SLC7A6: variants seen among roughly 807,000 people sequenced by gnomAD.
SLC7A6 encodes Y+L amino acid transporter 2.
SLC7A6 carries 29 observed loss-of-function variants against 46.6 expected under a neutral mutation model. That is an observed-to-expected ratio of 0.62 (90% confidence interval 0.46 to 0.85). The LOEUF is 0.85. Ranked by LOEUF, SLC7A6 falls within the 40% of genes least tolerant of loss-of-function variation. The pLI is 0.00. For synonymous variants in SLC7A6, 276 were observed against 257.3 expected, an observed-to-expected ratio of 1.07 and a Z score of -0.70; for missense variants, 527 against 647.6, an observed-to-expected ratio of 0.81 and a Z score of 2.02.
chr16:68,275,318 G>A (rs959074594), intron 3 of SLC7A6, 69 bp downstream of exon 3: 32 of 1,544,748 alleles, frequency 2.1e-5, no homozygotes, highest in African/African-American at 2.7e-5. Flanking sequence ...ACTTTAGGCC[G>A]GGCGCGGTGG....
chr16:68,296,883 A>G, intron 10 of SLC7A6, 73 bp downstream of exon 10: 1 of 1,498,852 alleles, frequency 6.7e-7, no homozygotes, highest in Non-Finnish European at 9.1e-7. Context: ...GGGGTGGCTA[A>G]CAGCTTCCCC....
intron 5 of SLC7A6, chr16:68,290,808 G>A: frequency 3.9e-6 from 2 of 513,728 alleles, no homozygotes; most frequent in Non-Finnish European, 7.0e-6. Flanking sequence ...GCCCAGCTGG[G>A]GCAAAGGAAT....
At chr16:68,290,996 A>T in intron 5 of SLC7A6, 2 of 580,804 alleles carry the variant, frequency 3.4e-6, no homozygotes, top group Non-Finnish European at 6.1e-6. Context: ...CTACTGTGGC[A>T]AAGATTAAAT....
At chr16:68,285,416 T>A (rs1428812224) in intron 3 of SLC7A6, among the ~76,000 whole-genome samples, 1 of 152,162 alleles carries the variant, frequency 6.6e-6, no homozygotes, top group East Asian at 1.9e-4. Flanking sequence ...GTTAGCTGAT[T>A]GAGGCTTAAC....
chr16:68,291,812 G>C, intron 7 of SLC7A6, 151 bp downstream of exon 7: 1 of 522,960 alleles, frequency 1.9e-6, no homozygotes, highest in Non-Finnish European at 3.3e-6. Flanking sequence ...TGGTATGTGG[G>C]CATGTACTTG....
At chr16:68,279,020 G>A (rs1253890238) in intron 3 of SLC7A6, among the ~76,000 whole-genome samples, 1 of 152,092 alleles carries the variant, frequency 6.6e-6, no homozygotes, top group East Asian at 1.9e-4. Flanking sequence ...GCGGCTGACT[G>A]CTTTATAAAA....
intron 2 of SLC7A6, 69 bp from the exon 3 acceptor site, chr16:68,274,622 G>C: frequency 7.3e-7 from 1 of 1,366,488 alleles, no homozygotes; most frequent in South Asian, 1.4e-5. Context: ...GAAGTGGGCA[G>C]GGAAATCTGG....
chr16:68,287,041 GTGCACGGCTCAC>G (rs2042950068), intron 3 of SLC7A6, among the ~76,000 whole-genome samples: 1 of 149,414 alleles, frequency 6.7e-6, no homozygotes, highest in Admixed American at 6.7e-5. Context: ...TCAGGCTGGA[GTGCACGGCTCAC>G]TGCTGCCTCA....
Position 68,282,711 on chromosome 16 carries a change from G to A in SLC7A6, c.524-5035G>A, listed in dbSNP as rs567968648. On this transcript the variant is annotated intron_variant, in intron 3 of 10. Transcript: ENST00000219343. ...TGGCTCATTGCAACCTCTGCCTCCC[G>A]GGTTCAAGTGATTCTCCTGCCTCGG... Among the ~76,000 whole-genome samples the A allele has an allele frequency of 5.9e-5, 9 of 151,912 alleles. No individual in the cohort carries two copies. The East Asian group carries it at 7.7e-4, about 13-fold the overall frequency.
At chr16:68,273,307 TG>T (rs2151215853) in intron 2 of SLC7A6, among the ~76,000 whole-genome samples, 1 of 152,268 alleles carries the variant, frequency 6.6e-6, no homozygotes, top group South Asian at 2.1e-4. Context: ...TCTGGAAAGA[TG>T]ATGTGCTTGC....
Position 68,296,466 on chromosome 16 carries a change from C to T in SLC7A6, c.1222C>T (p.Gln408Ter). 6.2e-7 allele frequency: 1 copy of T among 1,614,178 alleles called. No individual in the cohort carries two copies. Among genetic ancestry groups the T allele is most frequent in the Non-Finnish European group, 8.5e-7 (1 of 1,180,046 alleles). ...CTTCGTGGGCCTGTCTGTTGTTGGA[C>T]AGCTCTACCTCCGCTGGAAGGAGCC... is the stretch of plus-strand genomic sequence containing the variant. Reference protein sequence around the residue: ...WFFVGLSVVGQLYLRWKEPKR... With the variant: ...WFFVGLSVVG Residue 408 changes from glutamine to a stop codon, truncating the protein, a stop_gained, in exon 9 of 11, where the codon CAG (glutamine) becomes TAG (stop). Coordinates refer to ENST00000219343, the MANE Select transcript of SLC7A6 (RefSeq NM_003983.6). LOFTEE classifies it high-confidence loss of function.
chr16:68,271,166 A>T (rs1354272562), intron 2 of SLC7A6, among the ~76,000 whole-genome samples: 1 of 149,800 alleles, frequency 6.7e-6, no homozygotes, highest in African/African-American at 2.5e-5. Context: ...TTCTTATTTC[A>T]TTTTTTTATA....
chr16:68,279,532 A>C (rs1341187104), intron 3 of SLC7A6, among the ~76,000 whole-genome samples: 1 of 151,484 alleles, frequency 6.6e-6, no homozygotes, highest in Non-Finnish European at 1.5e-5. Flanking sequence ...TGCTGCCTCG[A>C]TTTTCTCTTT....
In SLC7A6 at chr16:68,301,219, C is replaced by A; in HGVS notation, c.*3891C>A. On this transcript the variant is annotated 3_prime_UTR_variant, in exon 11 of 11. Coordinates refer to ENST00000219343, the MANE Select transcript of SLC7A6 (RefSeq NM_003983.6). Reference sequence around the variant, plus strand: ...CAGGATGTCAGCAGGGCAGTTAACTCTGGACTCAGAGCCCTCAAGGGCATG... The same window carrying A: ...CAGGATGTCAGCAGGGCAGTTAACTATGGACTCAGAGCCCTCAAGGGCATG... 1 of 1,584,198 alleles carries A rather than the reference C, an allele frequency of 6.3e-7. No homozygotes were observed. The highest frequency in any genetic ancestry group is 8.6e-7 in the Non-Finnish European group (1 of 1,161,756).
At chr16:68,296,146 A>C (rs1317414855) in intron 8 of SLC7A6, among the ~76,000 whole-genome samples, 1 of 152,132 alleles carries the variant, frequency 6.6e-6, no homozygotes, top group Non-Finnish European at 1.5e-5. Context: ...GAGTGGAGGA[A>C]GGGCTGCAAC....
chr16:68,295,417 T>A (rs2043142646), intron 8 of SLC7A6, among the ~76,000 whole-genome samples: 1 of 152,190 alleles, frequency 6.6e-6, no homozygotes. Context: ...TTTATAAATT[T>A]AGGAGGTTAT....
chr16:68,273,547 G>A (rs988138588), intron 2 of SLC7A6, among the ~76,000 whole-genome samples: 1 of 152,130 alleles, frequency 6.6e-6, no homozygotes, highest in Non-Finnish European at 1.5e-5. Context: ...TCCTTCATAG[G>A]TAGGTTAATG....
Position 68,290,305 on chromosome 16 carries a change from G to A in SLC7A6, c.650-91G>A, listed in dbSNP as rs117805136. ...CCTTCCTCTTTCCTATTCTCCTTTC[G>A]TATCTTTCTCTTACACCTCCCATCT... On this transcript the variant is annotated intron_variant, in intron 4 of 10. Coordinates refer to ENST00000219343, the MANE Select transcript of SLC7A6 (RefSeq NM_003983.6). 3,900 of 1,293,198 alleles carry A rather than the reference G, an allele frequency of 3.0e-3. 94 individuals are homozygous for A. In the Admixed American group the frequency reaches 0.051, roughly 17 times the overall value. 80.1% of individuals were successfully genotyped at this position (1,293,198 alleles called of 1,614,324 possible).
intron 8 of SLC7A6, 63 bp downstream of exon 8, chr16:68,294,864 TAA>T (rs1215343315): frequency 2.6e-6 from 3 of 1,158,418 alleles, no homozygotes; most frequent in Non-Finnish European, 2.6e-6. Flanking sequence ...TGATTTGTGC[TAA>T]GTTGTTAAAT....
Sources: gnomAD v4.1 joint callset for allele counts (sites outside exome capture counted in the v4.1 genomes callset) on GRCh38, gnomAD v4.1.1 for gene constraint, MANE v1.5 for transcripts, NCBI Gene and HGNC (gene_info 2026-07-23, HGNC 2026-07-21) for gene names.